Variants in CREB3L1 observed in about 807,000 individuals in gnomAD.
The protein encoded by CREB3L1 is cyclic AMP-responsive element-binding protein 3-like protein 1.
A neutral mutation model predicts 54.5 loss-of-function variants in CREB3L1; 33 were observed. That is an observed-to-expected ratio of 0.61 (90% CI 0.46 to 0.81). The LOEUF is 0.81. Among genes scored for constraint, CREB3L1 ranks in the 30% least tolerant of loss-of-function variants. The pLI, the probability that CREB3L1 is intolerant of heterozygous loss-of-function variation, is 0.00. For missense variants in CREB3L1, 656 were observed against 673.3 expected (o/e 0.97, Z 0.29); for synonymous variants, 284 against 286.4 (o/e 0.99, Z 0.08).
chr11:46,317,463 G>C lies in CREB3L1; in HGVS notation c.1234G>C (p.Asp412His). The C allele has an allele frequency of 6.2e-7, 1 of 1,611,788 alleles. No individual in the cohort carries two copies. Among genetic ancestry groups the C allele is most frequent in the Non-Finnish European group, 8.5e-7 (1 of 1,179,864 alleles). Residue 412 changes from aspartate (D) to histidine (H), a missense_variant, in exon 10 of 12, where the codon GAC (aspartate) becomes CAC (histidine). Asp to His is a moderately conservative substitution (Grantham distance 81). Around this residue, in one of 3 missense-constraint regions of CREB3L1, gnomAD observed 240 missense variants for 219.8 expected, o/e 1.09. Coordinates refer to ENST00000621158, the MANE Select transcript of CREB3L1 (RefSeq NM_052854.4). ...QTVKEDPLAA[D>H]GVYTASQMPS... ...TGTGAAGGAAGACCCCCTGGCCGCA[G>C]ACGGCGTCTACACGGCCAGCCAGAG...
rs570201987 is a variant in CREB3L1 at position 46,320,524 on chromosome 11, G to A, written c.1519G>A (p.Asp507Asn). 2.8e-5 allele frequency: 40 copies of A among 1,424,404 alleles called. No homozygotes were observed. Among genetic ancestry groups the A allele is most frequent in the Non-Finnish European group, 3.6e-5 (39 of 1,092,424 alleles). The allele number at this position is 1,424,404 out of a possible 1,614,324, so 88.2% of individuals were successfully genotyped here. Residue 507 changes from aspartate (D) to asparagine (N), a missense_variant, in exon 11 of 12, where the codon GAC becomes AAC. Coordinates refer to ENST00000621158, the MANE Select transcript of CREB3L1 (RefSeq NM_052854.4). ...DFSHSKEWFH[D>N]RDLGPNTTIK... ...CTCCCACTCCAAGGAGTGGTTCCAC[G>A]ACAGGTGGGGTGTGTGGCCCCTTTC... is the stretch of plus-strand genomic sequence containing the variant.
chr11:46,280,308 G>A (rs955113051), intron 1 of CREB3L1, among the ~76,000 whole-genome samples: 2 of 151,252 alleles, frequency 1.3e-5, no homozygotes, highest in African/African-American at 4.9e-5. Context: ...CTGTCTCAGC[G>A]TCCCGAGTAG....
chr11:46,320,681 G>C (rs780266778), intron 11 of CREB3L1, 29 bp from the exon 12 acceptor site: 62 of 1,605,190 alleles, frequency 3.9e-5, no homozygotes, highest in Non-Finnish European at 1.4e-5. Flanking sequence ...CTGCTGGACA[G>C]TCATCGCTGG....
chr11:46,294,673 G>GT (rs1032409136), intron 1 of CREB3L1, among the ~76,000 whole-genome samples: 2 of 151,972 alleles, frequency 1.3e-5, no homozygotes, highest in Admixed American at 1.3e-4. Context: ...GGACAGGGGG[G>GT]TCTGCTGACA....
In CREB3L1 at chr11:46,278,231, C is replaced by G; in HGVS notation, c.102+18C>G. 6.7e-7 allele frequency: 1 copy of G among 1,491,996 alleles called. No individual in the cohort carries two copies. The highest frequency in any genetic ancestry group is 9.1e-7 in the Non-Finnish European group (1 of 1,098,840). 92.4% of individuals were successfully genotyped at this position (1,491,996 alleles called of 1,614,324 possible). On this transcript the variant is annotated intron_variant, in intron 1 of 11. Transcript: ENST00000621158. This position sits in a 1 kb window ranked among gnomAD's most constrained non-coding sequence, Gnocchi z 4.2. ...ACAATGCGGTAAGATGAAGGGTCTC[C>G]GTTCCCGTTCCACCCCTCGGCACCC...
At chr11:46,296,387 C>T (rs1471895558) in intron 1 of CREB3L1, among the ~76,000 whole-genome samples, 2 of 152,070 alleles carry the variant, frequency 1.3e-5, no homozygotes, top group Admixed American at 1.3e-4. Flanking sequence ...TTTGCAGCCC[C>T]GGACATCACC....
intron 2 of CREB3L1, among the ~76,000 whole-genome samples, chr11:46,305,630 A>G (rs79239830): frequency 8.5e-5 from 8 of 93,666 alleles, no homozygotes; most frequent in Non-Finnish European, 1.6e-4. Flanking sequence ...ATATATATGT[A>G]TATATATACA....
At chr11:46,298,378 G>T (rs535149599) in intron 1 of CREB3L1, among the ~76,000 whole-genome samples, 1 of 152,266 alleles carries the variant, frequency 6.6e-6, no homozygotes, top group Admixed American at 6.5e-5. Flanking sequence ...AAATTCATTC[G>T]TTCAATAAAT....
In CREB3L1 at chr11:46,278,027, G is replaced by A. The variant is rs1209568478; in HGVS notation, c.-85G>A. ...ACCTGCCCCCCGCCCGTTTGCCAGC[G>A]CTCAGGCAGGAGCTCTGGACTGGGC... On this transcript the variant is annotated 5_prime_UTR_variant, in exon 1 of 12. Transcript: ENST00000621158. The surrounding 1 kb of genome is among the most constrained non-coding windows in gnomAD (Gnocchi z 4.2). 3 of 528,858 alleles carry A rather than the reference G, an allele frequency of 5.7e-6. No individual in the cohort carries two copies. The East Asian group carries it at 1.4e-4, about 24-fold the overall frequency. The allele number at this position is 528,858 out of a possible 1,614,324, so 32.8% of individuals were successfully genotyped here.
chr11:46,293,873 C>T (rs146991441), intron 1 of CREB3L1, among the ~76,000 whole-genome samples: 21 of 152,264 alleles, frequency 1.4e-4, no homozygotes, highest in African/African-American at 4.6e-4. Context: ...TGTGTGTGAG[C>T]GTAGGGGTGT....
Position 46,277,966 on chromosome 11 carries a change from G to C in CREB3L1, c.-146G>C, listed in dbSNP as rs1454037958. ...CGCGCCCCCCACCCGGGGCCGCGCCGCCTCCGTCCGCCCCTCCCCCGGGGC... is the reference window on the plus strand; with the variant it reads ...CGCGCCCCCCACCCGGGGCCGCGCCCCCTCCGTCCGCCCCTCCCCCGGGGC... On this transcript the variant is annotated 5_prime_UTR_variant, in exon 1 of 12. Coordinates refer to ENST00000621158, the MANE Select transcript of CREB3L1 (RefSeq NM_052854.4). The C allele has an allele frequency of 2.4e-6, 1 of 415,856 alleles. No homozygotes were observed. Among genetic ancestry groups the C allele is most frequent in the African/African-American group, 2.1e-5 (1 of 48,372 alleles). The allele number at this position is 415,856 out of a possible 1,614,324, so 25.8% of individuals were successfully genotyped here. A position where few individuals can be genotyped will look rare whatever the true frequency, so the allele number is the denominator to read the frequency against.
chr11:46,292,114 G>A (rs1196068121), intron 1 of CREB3L1, among the ~76,000 whole-genome samples: 2 of 152,228 alleles, frequency 1.3e-5, no homozygotes, highest in African/African-American at 4.8e-5. Flanking sequence ...AGCACTGAGT[G>A]GAGTCTGTGC....
rs776576938 is a variant in CREB3L1, at chr11:46,311,116, C to A, written c.680C>A (p.Pro227His). ...DGSQSPRSLP[P>H]SSPVRPMARS... ...TCCCAGAGTCCCCGCTCTCTGCCCC[C>A]CTCCAGCCCTGTCAGGCCCATGGCG... The change falls in exon 5 of 12, where the codon CCC (proline) becomes CAC (histidine). Residue 227 changes from proline to histidine, a missense_variant. Transcript: ENST00000621158. 8 of 1,607,618 alleles carry A rather than the reference C, an allele frequency of 5.0e-6. No individual in the cohort carries two copies. Among genetic ancestry groups the A allele is most frequent in the Middle Eastern group, 1.6e-4 (1 of 6,076 alleles).
At chr11:46,293,099 C>T (rs1025701758) in intron 1 of CREB3L1, among the ~76,000 whole-genome samples, 2 of 152,172 alleles carry the variant, frequency 1.3e-5, no homozygotes, top group African/African-American at 2.4e-5. Context: ...GAGTAAATAC[C>T]GAACAAATGC....
intron 5 of CREB3L1, 37 bp from the exon 6 acceptor site, chr11:46,312,285 GGCT>G (rs759146844): frequency 3.9e-6 from 6 of 1,533,822 alleles, no homozygotes; most frequent in Non-Finnish European, 5.3e-6. Context: ...TTGAACCCAG[GGCT>G]GCCTGGCTCC....
intron 8 of CREB3L1, among the ~76,000 whole-genome samples, chr11:46,314,829 TC>T (rs1939542738): frequency 6.6e-6 from 1 of 151,708 alleles, no homozygotes; most frequent in African/African-American, 2.4e-5. Flanking sequence ...TGCCTCAGCC[TC>T]CCAAATAGCT....
chr11:46,312,490 C>A lies in CREB3L1; in HGVS notation c.903+16C>A, dbSNP rs375799182. On this transcript the variant is annotated intron_variant, in intron 6 of 11. Coordinates refer to ENST00000621158, the MANE Select transcript of CREB3L1 (RefSeq NM_052854.4). ...CAAGAACAAGGTAAAGCCTGCCACC[C>A]TGGGGCTTCAGAGGGCTTCCTTGGT... The A allele has an allele frequency of 2.4e-5, 39 of 1,611,998 alleles. No homozygotes were observed. The Admixed American group carries it at 5.0e-4, about 21-fold the overall frequency.
At chr11:46,282,448 G>A (rs530644155) in intron 1 of CREB3L1, among the ~76,000 whole-genome samples, 4 of 152,246 alleles carry the variant, frequency 2.6e-5, no homozygotes, top group East Asian at 1.9e-4. Flanking sequence ...TAGGGCTTCC[G>A]TTTTCCCCAG....
chr11:46,281,014 C>T (rs1035998586), intron 1 of CREB3L1, among the ~76,000 whole-genome samples: 10 of 152,222 alleles, frequency 6.6e-5, no homozygotes, highest in Non-Finnish European at 1.3e-4. Context: ...AAGAAATACG[C>T]ATGCACTTGG....
Sources: gnomAD v4.1 joint callset for allele counts (sites outside exome capture counted in the v4.1 genomes callset) on GRCh38, gnomAD v4.1.1 for gene constraint, gnomAD v4.1.1 regional missense constraint, Gnocchi (gnomAD v3.1) non-coding constraint, MANE v1.5 for transcripts, NCBI Gene and HGNC (gene_info 2026-07-23, HGNC 2026-07-21) for gene names.